Variants in GAP43 observed in about 807,000 individuals in gnomAD.
The protein encoded by GAP43 is growth associated protein 43.
A neutral mutation model predicts 18.6 loss-of-function variants in GAP43; 6 were observed. The ratio of observed to expected loss-of-function variants is 0.32; its 90% CI spans 0.18 to 0.64. GAP43 has a LOEUF of 0.64. Among genes scored for constraint, GAP43 ranks in the 30% least tolerant of loss-of-function variants. The pLI is 0.78. For synonymous variants in GAP43, 115 were observed against 111.4 expected (o/e 1.03, Z -0.20); for missense variants, 292 against 295.5 (o/e 0.99, Z 0.09).
chr3:115,708,341 A>G (rs1661457554), intron 2 of GAP43, among the ~76,000 whole-genome samples: 1 of 152,188 alleles, frequency 6.6e-6, no homozygotes, highest in African/African-American at 2.4e-5. Context: ...AGTAAATCCA[A>G]ATGAGTCAAA....
intron 2 of GAP43, among the ~76,000 whole-genome samples, chr3:115,716,868 G>A (rs750593469): frequency 4.0e-5 from 6 of 148,606 alleles, no homozygotes; most frequent in African/African-American, 7.4e-5. Context: ...TTAATTTTAC[G>A]GGTTTTATTT....
At chr3:115,654,594 C>T (rs1295333861) in intron 1 of GAP43, among the ~76,000 whole-genome samples, 1 of 152,216 alleles carries the variant, frequency 6.6e-6, no homozygotes, top group African/African-American at 2.4e-5. Context: ...AAGGCGAATC[C>T]TGCCAAACGT....
chr3:115,698,601 G>T (rs893095093), intron 2 of GAP43, among the ~76,000 whole-genome samples: 9 of 151,588 alleles, frequency 5.9e-5, no homozygotes, highest in African/African-American at 2.2e-4. Flanking sequence ...TTGGAAAGTG[G>T]AGTGGAAAAG....
rs1708433000 is a variant in GAP43, at chr3:115,644,365, T to C, written c.30+20646T>C. On this transcript the variant is annotated intron_variant, in intron 1 of 2. Coordinates refer to ENST00000305124, the MANE Select transcript of GAP43 (RefSeq NM_002045.4). The surrounding 1 kb of genome is among the most constrained non-coding windows in gnomAD (Gnocchi z 4.2). The stretch of plus-strand genomic sequence containing the variant: ...TGGACAGGACTATCAGGGTGATGAA[T>C]GGGTGAGAGTGGGAGGAGTTCAAAC... Among the ~76,000 whole-genome samples, 1 of 151,980 alleles carries C rather than the reference T, an allele frequency of 6.6e-6. No homozygotes were observed. The highest frequency in any genetic ancestry group is 2.1e-4 in the South Asian group (1 of 4,834).
chr3:115,698,138 AT>A (rs1559804280), intron 2 of GAP43, among the ~76,000 whole-genome samples: 526 of 17,666 alleles, frequency 0.03, 37 homozygotes, highest in African/African-American at 0.073. Context: ...TATAATATAT[AT>A]AATATATATT....
At chr3:115,673,259 A>G (rs1476627553) in intron 1 of GAP43, among the ~76,000 whole-genome samples, 3 of 152,104 alleles carry the variant, frequency 2.0e-5, no homozygotes, top group Non-Finnish European at 4.4e-5. Flanking sequence ...GGAGGGAGAG[A>G]AAATTGAGAG....
chr3:115,669,597 G>T (rs533872867), intron 1 of GAP43, among the ~76,000 whole-genome samples: 7 of 152,236 alleles, frequency 4.6e-5, no homozygotes, highest in African/African-American at 1.7e-4. Context: ...GGACATAATA[G>T]GGTTATAGAT....
At chr3:115,677,471 A>G (rs1266625572) in intron 2 of GAP43, among the ~76,000 whole-genome samples, 1 of 152,188 alleles carries the variant, frequency 6.6e-6, no homozygotes, top group Non-Finnish European at 1.5e-5. Flanking sequence ...GAATTGGAAT[A>G]GAATATTCCC....
At chr3:115,680,957 A>G (rs1400368186) in intron 2 of GAP43, among the ~76,000 whole-genome samples, 1 of 152,198 alleles carries the variant, frequency 6.6e-6, no homozygotes, top group Non-Finnish European at 1.5e-5. Flanking sequence ...AAGGATATTT[A>G]CACTTATTTG....
intron 1 of GAP43, among the ~76,000 whole-genome samples, chr3:115,642,473 A>G (rs1282690494): frequency 6.6e-6 from 1 of 151,644 alleles, no homozygotes; most frequent in Non-Finnish European, 1.5e-5. Flanking sequence ...TGGTAGACAT[A>G]TGTGTGTCGA....
chr3:115,683,129 G>A (rs773650758), intron 2 of GAP43, among the ~76,000 whole-genome samples: 11 of 99,428 alleles, frequency 1.1e-4, no homozygotes, highest in East Asian at 5.0e-4. Flanking sequence ...ACATGTGCGC[G>A]CGCGTGCGCG....
chr3:115,653,611 T>C (rs1708547524), intron 1 of GAP43, among the ~76,000 whole-genome samples: 1 of 152,054 alleles, frequency 6.6e-6, no homozygotes. Context: ...CAAGACTAAG[T>C]TTACAGATTC....
chr3:115,716,769 CAG>C lies in GAP43; in HGVS notation c.629-4004_629-4003del, dbSNP rs371857324. Among the ~76,000 whole-genome samples the C allele has an allele frequency of 1.1e-3, 59 of 54,666 alleles. 1 individual carries two copies. Among genetic ancestry groups the C allele is most frequent in the South Asian group, 4.6e-3 (8 of 1,740 alleles). 35.9% of individuals were successfully genotyped at this position (54,666 alleles called of 152,430 possible). ...ATATATATATATATATATATATATA[CAG>C]AGAGAGAGAGAGAGAGAGAGTTTTA... On this transcript the variant is annotated intron_variant, in intron 2 of 2. Coordinates refer to ENST00000305124, the MANE Select transcript of GAP43 (RefSeq NM_002045.4).
chr3:115,625,810 T>C (rs1326155092), intron 1 of GAP43, among the ~76,000 whole-genome samples: 1 of 152,218 alleles, frequency 6.6e-6, no homozygotes, highest in Non-Finnish European at 1.5e-5. Flanking sequence ...GAAATTCGCA[T>C]GTAAATGTAT....
Position 115,676,030 on chromosome 3 carries a change from C to T in GAP43, c.48C>T (p.Asp16=), listed in dbSNP as rs147441474. 98 of 1,598,880 alleles carry T rather than the reference C, an allele frequency of 6.1e-5. No individual in the cohort carries two copies. In the African/African-American group the frequency reaches 6.5e-4, roughly 11 times the overall value. ...CGACAAAGGTTGAAAAAAATGATGA[C>T]GACCAAAAGATTGAACAAGATGGTA... ...RRTKQVEKND[D]DQKIEQDGIK... is the part of the protein sequence containing the mutation. The change falls in exon 2 of 3, where the codon GAC becomes GAT. Residue 16 remains aspartate, a synonymous_variant. Coordinates refer to ENST00000305124, the MANE Select transcript of GAP43 (RefSeq NM_002045.4).
intron 1 of GAP43, among the ~76,000 whole-genome samples, chr3:115,666,013 T>C (rs1708728898): frequency 6.6e-6 from 1 of 151,864 alleles, no homozygotes; most frequent in Non-Finnish European, 1.5e-5. Flanking sequence ...TGTGTGTGTG[T>C]GTGTGTGTGT....
chr3:115,687,210 G>A (rs929938184), intron 2 of GAP43, among the ~76,000 whole-genome samples: 2 of 151,094 alleles, frequency 1.3e-5, no homozygotes, highest in Non-Finnish European at 2.9e-5. Flanking sequence ...AAATTTCTCA[G>A]CTACTTATTG....
intron 2 of GAP43, among the ~76,000 whole-genome samples, chr3:115,677,218 G>A (rs1200031528): frequency 1.3e-5 from 2 of 152,002 alleles, no homozygotes; most frequent in Non-Finnish European, 2.9e-5. Flanking sequence ...ACATTAATTG[G>A]GGTCAAACAT....
rs570736315 is a variant in GAP43 at position 115,676,623 on chromosome 3, G to A, written c.628+13G>A. On this transcript the variant is annotated intron_variant, in intron 2 of 2. Transcript: ENST00000305124. ...GAAGAGAACATAGGTGAGCAACCGC[G>A]AGGGTCAGATGCAATGGGTGGATGG... 7.0e-6 allele frequency: 11 copies of A among 1,560,860 alleles called. No individual in the cohort carries two copies. Among genetic ancestry groups the A allele is most frequent in the African/African-American group, 4.1e-5 (3 of 73,826 alleles).
Sources: allele counts gnomAD v4.1 joint callset (sites outside exome capture counted in the v4.1 genomes callset), GRCh38; gene constraint gnomAD v4.1.1; non-coding constraint Gnocchi (gnomAD v3.1); transcripts MANE v1.5; gene names NCBI Gene and HGNC (gene_info 2026-07-23, HGNC 2026-07-21).